The following HDAC4 variants were observed in gnomAD, a reference collection of about 807,000 sequenced individuals.
HDAC4 encodes histone deacetylase A.
Under a neutral mutation model 135.1 loss-of-function variants are expected in HDAC4, and 16 were observed. The observed-to-expected ratio is 0.12, with a 90% CI of 0.08 to 0.18. HDAC4 has a LOEUF of 0.18. Ranked by LOEUF, HDAC4 falls within the 10% of genes least tolerant of loss-of-function variation. The pLI, the probability that HDAC4 is intolerant of heterozygous loss-of-function variation, is 1.00. For missense variants in HDAC4, 1,143 were observed against 1,511.8 expected (o/e 0.76, Z 4.05); for synonymous variants, 685 against 653.4 (o/e 1.05, Z -0.74).
At chr2:239,162,787 C>T (rs1029769950) in intron 6 of HDAC4, among the ~76,000 whole-genome samples, 5 of 152,152 alleles carry the variant, frequency 3.3e-5, no homozygotes, top group Non-Finnish European at 7.4e-5. Flanking sequence ...CTGGAAACAC[C>T]TTTTGGGATG....
At chr2:239,187,347 T>A (rs545309383) in intron 4 of HDAC4, among the ~76,000 whole-genome samples, 1 of 152,342 alleles carries the variant, frequency 6.6e-6, no homozygotes, top group East Asian at 1.9e-4. Flanking sequence ...ACGGTACTCA[T>A]TTTAAAAAAT....
At chr2:239,080,214 C>G (rs754599508) in intron 22 of HDAC4, among the ~76,000 whole-genome samples, 1 of 152,236 alleles carries the variant, frequency 6.6e-6, no homozygotes, top group Non-Finnish European at 1.5e-5. Flanking sequence ...CACAAAGACA[C>G]GTCTGCACAC....
chr2:239,189,043 T>A (rs936630320), intron 4 of HDAC4, among the ~76,000 whole-genome samples: 1 of 152,242 alleles, frequency 6.6e-6, no homozygotes, highest in African/African-American at 2.4e-5. Context: ...AACTGCTAAG[T>A]GTTGGGGTAA....
chr2:239,115,631 G>T lies in HDAC4; in HGVS notation c.1534-321C>A, dbSNP rs2152811263. ...CCGAGAAACAGAAAAGAAGCTGCAGGTGTCAACAGAGTCTGCAGAGGAGAG... is the reference window on the plus strand; with the variant it reads ...CCGAGAAACAGAAAAGAAGCTGCAGTTGTCAACAGAGTCTGCAGAGGAGAG... On this transcript the variant is annotated intron_variant, in intron 12 of 26. Coordinates refer to ENST00000543185, the MANE Select transcript of HDAC4 (RefSeq NM_001378414.1). The surrounding 1 kb of genome is among the most constrained non-coding windows in gnomAD (Gnocchi z 6.3). Among the ~76,000 whole-genome samples the T allele has an allele frequency of 6.6e-6, 1 of 152,144 alleles. No homozygotes were observed. The highest frequency in any genetic ancestry group is 2.1e-4 in the South Asian group (1 of 4,802).
intron 8 of HDAC4, 32 bp downstream of exon 8, chr2:239,144,551 G>A (rs2152917425): frequency 1.9e-6 from 3 of 1,612,508 alleles, no homozygotes; most frequent in East Asian, 4.5e-5. Context: ...AGAGAGGGCA[G>A]CGGGGCGGGT....
chr2:239,249,793 A>G (rs1176241558), intron 2 of HDAC4, among the ~76,000 whole-genome samples: 2 of 151,792 alleles, frequency 1.3e-5, no homozygotes, highest in Non-Finnish European at 2.9e-5. Flanking sequence ...AAAAAAAACA[A>G]GGAGCTGAAT....
At chr2:239,237,382 C>G (rs1342415759) in intron 2 of HDAC4, among the ~76,000 whole-genome samples, 1 of 152,072 alleles carries the variant, frequency 6.6e-6, no homozygotes, top group Non-Finnish European at 1.5e-5. Flanking sequence ...AGGAATCACA[C>G]TTTTCTTTTA....
chr2:239,320,537 T>C (rs2053274580), intron 2 of HDAC4, among the ~76,000 whole-genome samples: 1 of 152,208 alleles, frequency 6.6e-6, no homozygotes, highest in African/African-American at 2.4e-5. Flanking sequence ...AGGACTCTTC[T>C]GTTATGTAAA....
chr2:239,391,517 G>A (rs1317272991), intron 1 of HDAC4, among the ~76,000 whole-genome samples: 2 of 152,182 alleles, frequency 1.3e-5, no homozygotes, highest in South Asian at 4.1e-4. Context: ...AGAGGGCTGT[G>A]TGTCCTCAGA....
intron 3 of HDAC4, among the ~76,000 whole-genome samples, chr2:239,199,474 T>TC (rs1443714483): frequency 6.6e-6 from 1 of 152,236 alleles, no homozygotes; most frequent in African/African-American, 2.4e-5. Flanking sequence ...AAACAGCGCT[T>TC]ATGAGAAAGG....
intron 26 of HDAC4, 145 bp downstream of exon 26, chr2:239,053,315 G>A: frequency 7.6e-7 from 1 of 1,307,642 alleles, no homozygotes; most frequent in Non-Finnish European, 1.1e-6. Flanking sequence ...AAGGGGCTTT[G>A]GCACTGGAAG....
chr2:239,190,099 G>T, intron 3 of HDAC4, 22 bp from the exon 4 acceptor site: 1 of 1,595,074 alleles, frequency 6.3e-7, no homozygotes, highest in South Asian at 1.1e-5. Flanking sequence ...ACAAGCAGGA[G>T]AGCCGGTCAC....
At chr2:239,145,768 T>C (rs1293591341) in intron 7 of HDAC4, among the ~76,000 whole-genome samples, 1 of 152,004 alleles carries the variant, frequency 6.6e-6, no homozygotes, top group Non-Finnish European at 1.5e-5. Context: ...GAACAGGCAG[T>C]GCACCGCCTC....
chr2:239,360,984 C>G (rs1039374695), intron 1 of HDAC4, among the ~76,000 whole-genome samples: 1 of 152,220 alleles, frequency 6.6e-6, no homozygotes, highest in Non-Finnish European at 1.5e-5. Flanking sequence ...TCTCCACCTC[C>G]ACACCCACGT....
intron 24 of HDAC4, among the ~76,000 whole-genome samples, chr2:239,063,027 C>T (rs908928097): frequency 6.6e-6 from 1 of 152,122 alleles, no homozygotes; most frequent in East Asian, 1.9e-4. Flanking sequence ...TTGGCCATTG[C>T]CTGCTGTCGC....
chr2:239,304,203 G>A (rs2052441498), intron 2 of HDAC4, among the ~76,000 whole-genome samples: 2 of 152,086 alleles, frequency 1.3e-5, no homozygotes, highest in Non-Finnish European at 2.9e-5. Flanking sequence ...AGCAGTGTGA[G>A]CTCGGGGAAG....
chr2:239,092,622 C>T (rs1239640874), intron 17 of HDAC4, among the ~76,000 whole-genome samples: 1 of 152,120 alleles, frequency 6.6e-6, no homozygotes, highest in African/African-American at 2.4e-5. Flanking sequence ...AGGACAAAGC[C>T]CCAGCCAAAC....
intron 15 of HDAC4, among the ~76,000 whole-genome samples, chr2:239,104,052 G>C (rs1468675350): frequency 1.3e-5 from 2 of 150,228 alleles, no homozygotes; most frequent in Non-Finnish European, 3.0e-5. Context: ...GAAAAGATGT[G>C]ACACGGCTTC....
Position 239,186,921 on chromosome 2 carries a change from T to G in HDAC4, c.339+2912A>C, listed in dbSNP as rs1575339839. ...TTCTCAGCTTCTCATCTACGTCGTC[T>G]TCTTGTAAAAGCTACAAATTCAACC... On this transcript the variant is annotated intron_variant, in intron 4 of 26. Coordinates refer to ENST00000543185, the MANE Select transcript of HDAC4 (RefSeq NM_001378414.1). 2.0e-5 allele frequency: 3 copies of G among 152,454 alleles called. No individual in the cohort carries two copies. The South Asian group carries it at 6.2e-4, about 32-fold the overall frequency. The allele number at this position is 152,454 out of a possible 1,614,324, so 9.4% of individuals were successfully genotyped here. A position where few individuals can be genotyped will look rare whatever the true frequency, so the allele number is the denominator to read the frequency against.
Sources: gnomAD v4.1 joint callset for allele counts (sites outside exome capture counted in the v4.1 genomes callset) on GRCh38, gnomAD v4.1.1 for gene constraint, Gnocchi (gnomAD v3.1) non-coding constraint, MANE v1.5 for transcripts, NCBI Gene and HGNC (gene_info 2026-07-23, HGNC 2026-07-21) for gene names.